PRKG1: variants seen among roughly 807,000 people sequenced by gnomAD.
The protein encoded by PRKG1 is protein kinase cGMP-dependent 1.
In PRKG1, 35 loss-of-function variants were observed where a neutral mutation model predicts 88.1. The observed-to-expected ratio is 0.40, with a 90% CI of 0.30 to 0.53. The LOEUF is 0.53. PRKG1 is among the 20% of genes least tolerant of loss of function. The probability of loss-of-function intolerance (pLI) is 0.59; values close to 1 mark genes in which losing one functional copy is unlikely to be tolerated. For synonymous variants in PRKG1, 303 were observed against 292.5 expected, an observed-to-expected ratio of 1.04 and a Z score of -0.37; for missense variants, 540 against 839.8, an observed-to-expected ratio of 0.64 and a Z score of 4.41.
At chr10:51,266,038 T>C (rs115469760) in intron 2 of PRKG1, among the ~76,000 whole-genome samples, 1,933 of 152,288 alleles carry the variant, frequency 0.013, 37 homozygotes, top group African/African-American at 0.043. Flanking sequence ...AGTAGGTCCC[T>C]ATGGGGAAAT....
chr10:51,862,989 G>A (rs963326807), intron 4 of PRKG1, among the ~76,000 whole-genome samples: 1 of 151,998 alleles, frequency 6.6e-6, no homozygotes, highest in Non-Finnish European at 1.5e-5. Flanking sequence ...TGAAGATCAG[G>A]TGTCTTGGTG....
intron 1 of PRKG1, among the ~76,000 whole-genome samples, chr10:51,123,265 C>A (rs886739241): frequency 2.0e-5 from 3 of 152,138 alleles, no homozygotes; most frequent in Non-Finnish European, 2.9e-5. Context: ...TAACCTCGTT[C>A]TTTAAAAATA....
intron 1 of PRKG1, among the ~76,000 whole-genome samples, chr10:51,000,187 C>A (rs1336198186): frequency 6.6e-6 from 1 of 152,156 alleles, no homozygotes; most frequent in Non-Finnish European, 1.5e-5. Flanking sequence ...TAAATAATGG[C>A]TTAAAAATCA....
chr10:51,504,525 G>C (rs1841136231), intron 3 of PRKG1, among the ~76,000 whole-genome samples: 3 of 152,194 alleles, frequency 2.0e-5, no homozygotes, highest in Non-Finnish European at 2.9e-5. Flanking sequence ...TTGGTAGCTT[G>C]ATGGGGATGG....
At chr10:51,389,514 C>G (rs903714436) in intron 2 of PRKG1, among the ~76,000 whole-genome samples, 4 of 152,102 alleles carry the variant, frequency 2.6e-5, no homozygotes, top group Non-Finnish European at 5.9e-5. Context: ...TTGGTATTGC[C>G]TGTCAGCCAC....
chr10:51,227,008 G>A (rs947292969), intron 2 of PRKG1, among the ~76,000 whole-genome samples: 7 of 151,716 alleles, frequency 4.6e-5, no homozygotes, highest in African/African-American at 1.5e-4. Flanking sequence ...ATTCCACAGC[G>A]CTTTTGAGGT....
At chr10:52,160,854 A>G (rs1375135557) in intron 8 of PRKG1, among the ~76,000 whole-genome samples, 1 of 152,050 alleles carries the variant, frequency 6.6e-6, no homozygotes, top group Non-Finnish European at 1.5e-5. Context: ...TATAATACTA[A>G]CTCATAGTAT....
chr10:51,540,985 G>A (rs1257089552), intron 3 of PRKG1, among the ~76,000 whole-genome samples: 1 of 152,110 alleles, frequency 6.6e-6, no homozygotes, highest in Non-Finnish European at 1.5e-5. Flanking sequence ...CCAAAGTGCT[G>A]GGATTACAGG....
intron 7 of PRKG1, among the ~76,000 whole-genome samples, chr10:52,125,394 T>A (rs1018599900): frequency 6.6e-6 from 1 of 152,220 alleles, no homozygotes; most frequent in East Asian, 1.9e-4. Flanking sequence ...TAATTTCTAA[T>A]GTCCTTACAA....
chr10:52,201,805 T>G (rs1839676992), intron 9 of PRKG1, among the ~76,000 whole-genome samples: 1 of 152,176 alleles, frequency 6.6e-6, no homozygotes, highest in African/African-American at 2.4e-5. Flanking sequence ...TTTTATTTTT[T>G]GTGTGGGTGG....
chr10:51,990,744 A>G (rs1478954397), intron 5 of PRKG1, among the ~76,000 whole-genome samples: 2 of 152,050 alleles, frequency 1.3e-5, no homozygotes, highest in African/African-American at 4.8e-5. Flanking sequence ...GAGAGGCTCC[A>G]GTGTCTGTTG....
chr10:51,049,677 T>C (rs1194105141), intron 1 of PRKG1, among the ~76,000 whole-genome samples: 4 of 152,208 alleles, frequency 2.6e-5, no homozygotes, highest in Non-Finnish European at 4.4e-5. Context: ...CTACTGCTAC[T>C]ACTAATAAAA....
intron 1 of PRKG1, among the ~76,000 whole-genome samples, chr10:51,052,379 C>T (rs1398704591): frequency 6.6e-6 from 1 of 152,140 alleles, no homozygotes; most frequent in Non-Finnish European, 1.5e-5. Flanking sequence ...GTTGTGCAGG[C>T]TTTCCCATGG....
At chr10:51,392,438 C>A (rs376869824) in intron 2 of PRKG1, among the ~76,000 whole-genome samples, 4 of 152,154 alleles carry the variant, frequency 2.6e-5, no homozygotes, top group Middle Eastern at 3.2e-3. Flanking sequence ...CAGAGAGCAC[C>A]GGGTTGGGGG....
chr10:51,332,673 G>T (rs1841771943), intron 2 of PRKG1, among the ~76,000 whole-genome samples: 2 of 152,096 alleles, frequency 1.3e-5, no homozygotes, highest in South Asian at 2.1e-4. Context: ...TTAGTTTCTG[G>T]CTTCTGTTGA....
intron 1 of PRKG1, among the ~76,000 whole-genome samples, chr10:51,124,595 G>T (rs1431538958): frequency 6.6e-6 from 1 of 152,164 alleles, no homozygotes; most frequent in Non-Finnish European, 1.5e-5. Context: ...ATGTGTAGTT[G>T]TGTCTTCATT....
intron 7 of PRKG1, among the ~76,000 whole-genome samples, chr10:52,104,089 A>G (rs999064450): frequency 2.0e-5 from 3 of 150,308 alleles, no homozygotes; most frequent in Non-Finnish European, 4.4e-5. Flanking sequence ...AAAATTAAAT[A>G]TAAATCCTGA....
chr10:51,939,398 TAAATCCACAAAAAATA>T (rs1304702890), intron 5 of PRKG1, among the ~76,000 whole-genome samples: 1 of 151,984 alleles, frequency 6.6e-6, no homozygotes, highest in East Asian at 1.9e-4. Context: ...TTAATTTTTT[TAAATCCACAAAAAATA>T]AAATCCACAA....
chr10:51,986,724 C>G (rs1844166535), intron 5 of PRKG1, among the ~76,000 whole-genome samples: 1 of 152,186 alleles, frequency 6.6e-6, no homozygotes, highest in South Asian at 2.1e-4. Context: ...AGTGAAACCT[C>G]AGCTGCAGTG....
Sources: gnomAD v4.1 joint callset for allele counts (sites outside exome capture counted in the v4.1 genomes callset) on GRCh38, gnomAD v4.1.1 for gene constraint, MANE v1.5 for transcripts, NCBI Gene and HGNC (gene_info 2026-07-23, HGNC 2026-07-21) for gene names.